SEMA3A: variants seen among roughly 807,000 people sequenced by gnomAD.
The protein encoded by SEMA3A is semaphorin 3A, also known as semaphorin-3A.
A neutral mutation model predicts 97.9 loss-of-function variants in SEMA3A; 29 were observed. The ratio of observed to expected loss-of-function variants is 0.30; its 90% CI spans 0.22 to 0.40. The LOEUF (loss-of-function observed/expected upper bound fraction) is 0.40. SEMA3A is among the 10% of genes least tolerant of loss of function. SEMA3A has a pLI of 1.00. For missense variants in SEMA3A, 763 were observed against 951.3 expected, an observed-to-expected ratio of 0.80 and a Z score of 2.60; for synonymous variants, 321 against 323.7, an observed-to-expected ratio of 0.99 and a Z score of 0.09.
intron 16 of SEMA3A, 72 bp downstream of exon 16, chr7:83,963,126 TCCTCAAG>T: frequency 6.7e-7 from 1 of 1,503,160 alleles, no homozygotes; most frequent in Admixed American, 1.7e-5. Flanking sequence ...GCTTTTTCTT[TCCTCAAG>T]TGAAAAATAC....
intron 2 of SEMA3A, among the ~76,000 whole-genome samples, chr7:84,326,480 C>A (rs951320877): frequency 6.6e-6 from 1 of 151,868 alleles, no homozygotes; most frequent in Non-Finnish European, 1.5e-5. Flanking sequence ...AGAAAAGATA[C>A]AGAATGATTA....
intron 3 of SEMA3A, among the ~76,000 whole-genome samples, chr7:84,289,662 G>A (rs1450460953): frequency 6.6e-6 from 1 of 152,102 alleles, no homozygotes; most frequent in Non-Finnish European, 1.5e-5. Flanking sequence ...ACCCACGCAT[G>A]TTGCTGGTGA....
intron 2 of SEMA3A, among the ~76,000 whole-genome samples, chr7:84,328,919 A>G (rs2115939811): frequency 6.6e-6 from 1 of 152,126 alleles, no homozygotes; most frequent in Middle Eastern, 3.4e-3. Flanking sequence ...CCTCTCACAT[A>G]TAATTTCCTA....
chr7:84,313,126 A>G (rs929709302), intron 2 of SEMA3A, among the ~76,000 whole-genome samples: 1 of 144,748 alleles, frequency 6.9e-6, no homozygotes, highest in African/African-American at 2.5e-5. Context: ...TAGAACTGCA[A>G]CTTACACTGG....
chr7:84,450,961 C>T (rs1344163459), intron 1 of SEMA3A, among the ~76,000 whole-genome samples: 1 of 152,004 alleles, frequency 6.6e-6, no homozygotes, highest in Non-Finnish European at 1.5e-5. Flanking sequence ...TTTAGGTTGC[C>T]TTTTCACTCT....
At chr7:83,988,123 A>G (rs938600462) in intron 12 of SEMA3A, among the ~76,000 whole-genome samples, 12 of 152,192 alleles carry the variant, frequency 7.9e-5, no homozygotes, top group African/African-American at 2.9e-4. Context: ...CTCATCCTCC[A>G]GCCACTCCTA....
chr7:84,149,538 A>C (rs1796565030), intron 1 of SEMA3A, among the ~76,000 whole-genome samples: 1 of 152,234 alleles, frequency 6.6e-6, no homozygotes, highest in Non-Finnish European at 1.5e-5. Flanking sequence ...TTTCTAGACC[A>C]ATGCAGGACA....
intron 1 of SEMA3A, among the ~76,000 whole-genome samples, chr7:84,386,836 C>A (rs952584256): frequency 6.6e-6 from 1 of 152,040 alleles, no homozygotes; most frequent in Non-Finnish European, 1.5e-5. Context: ...CCTGTCTCTA[C>A]TAAAAATATA....
At chr7:83,995,025 G>A (rs965817658) in intron 12 of SEMA3A, among the ~76,000 whole-genome samples, 7 of 152,106 alleles carry the variant, frequency 4.6e-5, no homozygotes, top group Non-Finnish European at 1.0e-4. Context: ...TTGGTGCGCC[G>A]TTTTTTAAGC....
At chr7:84,489,839 G>A (rs536681130) in intron 1 of SEMA3A, among the ~76,000 whole-genome samples, 36 of 151,960 alleles carry the variant, frequency 2.4e-4, no homozygotes, top group Middle Eastern at 3.4e-3. Flanking sequence ...GTTGATATGT[G>A]GTTAAAAAAG....
At chr7:84,266,373 A>G (rs1800003256) in intron 3 of SEMA3A, among the ~76,000 whole-genome samples, 1 of 152,046 alleles carries the variant, frequency 6.6e-6, no homozygotes, top group East Asian at 1.9e-4. Flanking sequence ...GTAGCAGAAT[A>G]AACAAGAGGC....
At chr7:84,416,450 T>C (rs1230394084) in intron 1 of SEMA3A, among the ~76,000 whole-genome samples, 1 of 152,106 alleles carries the variant, frequency 6.6e-6, no homozygotes, top group African/African-American at 2.4e-5. Flanking sequence ...AATGGACTAA[T>C]ACAAGTATAT....
intron 1 of SEMA3A, among the ~76,000 whole-genome samples, chr7:84,475,523 C>A (rs1300994708): frequency 6.6e-6 from 1 of 152,106 alleles, no homozygotes; most frequent in Non-Finnish European, 1.5e-5. Context: ...ACACGCTCAC[C>A]TAAATCTATT....
At position 83,955,927 on chromosome 7, in the gene SEMA3A, A is replaced by C. The variant is rs1788270164; in HGVS notation, c.*5444T>G. The C allele has an allele frequency of 6.6e-6, 1 of 152,176 alleles. No individual in the cohort carries two copies. Among genetic ancestry groups the C allele is most frequent in the African/African-American group, 2.4e-5 (1 of 41,438 alleles). 9.4% of individuals were successfully genotyped at this position (152,176 alleles called of 1,614,324 possible). ...TTGCTTAGGTCCTATATAAATAAACATTGTATATACAAGTATAGTGTTTAG... is the reference window on the plus strand; with the variant it reads ...TTGCTTAGGTCCTATATAAATAAACCTTGTATATACAAGTATAGTGTTTAG... On this transcript the variant is annotated 3_prime_UTR_variant, in exon 17 of 17. Transcript: ENST00000265362.
chr7:84,168,587 C>T (rs980258697), intron 1 of SEMA3A, among the ~76,000 whole-genome samples: 4 of 151,584 alleles, frequency 2.6e-5, no homozygotes, highest in African/African-American at 9.7e-5. Flanking sequence ...CAGTAGAAAT[C>T]GACGTATTTT....
At chr7:84,265,430 C>T (rs1292972559) in intron 3 of SEMA3A, among the ~76,000 whole-genome samples, 2 of 146,250 alleles carry the variant, frequency 1.4e-5, no homozygotes, top group Non-Finnish European at 3.0e-5. Flanking sequence ...GTATGAGATA[C>T]ATATTATATA....
intron 1 of SEMA3A, among the ~76,000 whole-genome samples, chr7:84,156,428 T>C (rs1389927752): frequency 6.6e-6 from 1 of 152,140 alleles, no homozygotes; most frequent in Non-Finnish European, 1.5e-5. Context: ...AGAGCTATGA[T>C]AGCATTCTCA....
rs144092487 is a variant in SEMA3A, at chr7:84,342,373, C to A, written c.-169+29451G>T. 1.4e-3 allele frequency among the ~76,000 whole-genome samples: 220 copies of A among 152,012 alleles called. 1 individual carries two copies. The highest frequency in any genetic ancestry group is 4.8e-3 in the African/African-American group (201 of 41,454). ...TTACTTTACTATTAAAGGTTACAAT[C>A]ATATTTTTGTGATTGTTTATTTAAC... On this transcript the variant is annotated intron_variant, in intron 2 of 3. Transcript: ENST00000424555.
chr7:84,024,218 C>T (rs1006742317), intron 6 of SEMA3A, among the ~76,000 whole-genome samples: 2 of 151,998 alleles, frequency 1.3e-5, no homozygotes, highest in Non-Finnish European at 2.9e-5. Flanking sequence ...AATTAGGCTT[C>T]TCCCAGTCAC....
Sources: gnomAD v4.1 joint callset for allele counts (sites outside exome capture counted in the v4.1 genomes callset) on GRCh38, gnomAD v4.1.1 for gene constraint, MANE v1.5 for transcripts, NCBI Gene and HGNC (gene_info 2026-07-23, HGNC 2026-07-21) for gene names.